RMST: variants seen among roughly 807,000 people sequenced by gnomAD.
The protein encoded by RMST is rhabdomyosarcoma 2 associated transcript.
chr12:97,502,068 T>C (rs1372860060), intron 10 of RMST, among the ~76,000 whole-genome samples: 6 of 152,132 alleles, frequency 3.9e-5, no homozygotes, highest in Admixed American at 3.9e-4. Context: ...CATTGCATTA[T>C]ATGTGTTGTA....
intron 10 of RMST, among the ~76,000 whole-genome samples, chr12:97,506,948 C>T (rs1169756078): frequency 1.3e-5 from 2 of 152,184 alleles, no homozygotes; most frequent in Middle Eastern, 6.8e-3. Context: ...TCCCAAAGTG[C>T]TGGGATTATA....
At chr12:97,488,675 C>G (rs1393368158) in intron 5 of RMST, among the ~76,000 whole-genome samples, 3 of 152,114 alleles carry the variant, frequency 2.0e-5, no homozygotes, top group Admixed American at 1.3e-4. Context: ...CCTAGAATAG[C>G]TTCTGGGCCT....
chr12:97,501,943 T>C (rs1878122113), intron 10 of RMST, among the ~76,000 whole-genome samples: 1 of 152,138 alleles, frequency 6.6e-6, no homozygotes, highest in Non-Finnish European at 1.5e-5. Flanking sequence ...TCAAAGCACA[T>C]TACTGCTGCT....
intron 5 of RMST, among the ~76,000 whole-genome samples, chr12:97,479,133 CTTTTTTTTTT>C (rs386377507): frequency 2.9e-5 from 2 of 69,044 alleles, no homozygotes; most frequent in African/African-American, 1.2e-4. Context: ...CTTGTCTTTG[CTTTTTTTTTT>C]TTTTTTTTTT....
intron 11 of RMST, among the ~76,000 whole-genome samples, chr12:97,555,135 C>G (rs538182182): frequency 4.6e-5 from 7 of 152,140 alleles, no homozygotes; most frequent in South Asian, 2.1e-4. Flanking sequence ...CATGTCCCCC[C>G]CAAAAGACCT....
chr12:97,523,149 G>A (rs973289141), intron 10 of RMST, among the ~76,000 whole-genome samples: 12 of 152,202 alleles, frequency 7.9e-5, no homozygotes, highest in Non-Finnish European at 8.8e-5. Context: ...ACAGTTCACA[G>A]AAAAAGGATT....
intron 10 of RMST, among the ~76,000 whole-genome samples, chr12:97,519,301 G>A (rs144329569): frequency 3.3e-5 from 5 of 152,312 alleles, no homozygotes; most frequent in African/African-American, 2.4e-5. Flanking sequence ...CTATGAAGGA[G>A]CAGGTCAGAG....
intron 10 of RMST, among the ~76,000 whole-genome samples, chr12:97,498,661 C>T (rs1418118067): frequency 2.6e-5 from 4 of 152,116 alleles, no homozygotes; most frequent in African/African-American, 4.8e-5. Flanking sequence ...GTCAGGCAAT[C>T]GTGGTAACTA....
chr12:97,543,197 G>A (rs576428613), intron 11 of RMST, among the ~76,000 whole-genome samples: 169 of 152,132 alleles, frequency 1.1e-3, no homozygotes, highest in African/African-American at 3.9e-3. Context: ...TGGGATTTCA[G>A]TGAAGCAGTT....
At chr12:97,489,287 A>G (rs1272368086) in intron 5 of RMST, among the ~76,000 whole-genome samples, 2 of 152,020 alleles carry the variant, frequency 1.3e-5, no homozygotes, top group African/African-American at 4.8e-5. Context: ...CTCTACTAAA[A>G]ATACAAAAAA....
chr12:97,502,760 G>A (rs1265423669), intron 10 of RMST, among the ~76,000 whole-genome samples: 2 of 152,164 alleles, frequency 1.3e-5, no homozygotes, highest in Non-Finnish European at 2.9e-5. Flanking sequence ...CCACTGTGGG[G>A]CCTCTATGAA....
At chr12:97,560,277 A>G (rs1246659128) in intron 11 of RMST, among the ~76,000 whole-genome samples, 2 of 152,204 alleles carry the variant, frequency 1.3e-5, no homozygotes, top group African/African-American at 2.4e-5. Flanking sequence ...GTTTATAATA[A>G]AAAGCCCCTC....
chr12:97,510,536 T>G (rs1879166324), intron 10 of RMST, among the ~76,000 whole-genome samples: 2 of 152,220 alleles, frequency 1.3e-5, no homozygotes, highest in African/African-American at 4.8e-5. Context: ...CAGTGTGTGT[T>G]CATAATGCTA....
chr12:97,471,579 T>A (rs1873921279), intron 5 of RMST, among the ~76,000 whole-genome samples: 1 of 152,000 alleles, frequency 6.6e-6, no homozygotes, highest in Non-Finnish European at 1.5e-5. Context: ...TTGATGTCGG[T>A]AAAATGCAGA....
At chr12:97,541,615 G>A (rs1882529309) in intron 11 of RMST, among the ~76,000 whole-genome samples, 1 of 151,106 alleles carries the variant, frequency 6.6e-6, no homozygotes, top group Non-Finnish European at 1.5e-5. Context: ...AGAAAAGCTG[G>A]AACCAGGAAC....
chr12:97,500,223 A>G (rs1357684362), intron 10 of RMST, among the ~76,000 whole-genome samples: 2 of 152,166 alleles, frequency 1.3e-5, no homozygotes, highest in Non-Finnish European at 2.9e-5. Flanking sequence ...TCCGCTGGTA[A>G]ACAGAAGCAG....
At chr12:97,538,405 T>A (rs1447244810) in intron 11 of RMST, among the ~76,000 whole-genome samples, 1 of 151,450 alleles carries the variant, frequency 6.6e-6, no homozygotes, top group East Asian at 1.9e-4. Context: ...AAAGCGTTAA[T>A]CTTTACTTTC....
chr12:97,496,098 A>G (rs2136462922), intron 10 of RMST: 1 of 152,318 alleles, frequency 6.6e-6, no homozygotes, highest in Non-Finnish European at 1.5e-5. Flanking sequence ...TTGTTTCTTC[A>G]GGTTCTCGGT....
At chr12:97,523,031 G>A (rs1386968371) in intron 10 of RMST, among the ~76,000 whole-genome samples, 3 of 152,194 alleles carry the variant, frequency 2.0e-5, no homozygotes. Context: ...TTTGAAGCTA[G>A]GCTGTATCAG....
Sources: gnomAD v4.1 joint callset for allele counts (sites outside exome capture counted in the v4.1 genomes callset) on GRCh38, gnomAD v4.1.1 for gene constraint, MANE v1.5 for transcripts, NCBI Gene and HGNC (gene_info 2026-07-23, HGNC 2026-07-21) for gene names.